Variants in MAP4K5 observed in about 807,000 individuals in gnomAD.
MAP4K5 encodes mitogen-activated protein kinase kinase kinase kinase 5, also known as MAPK/ERK kinase kinase kinase 5.
MAP4K5 carries 82 observed loss-of-function variants against 135.6 expected under a neutral mutation model. The ratio of observed to expected loss-of-function variants is 0.60; its 90% CI spans 0.51 to 0.73. The LOEUF (loss-of-function observed/expected upper bound fraction) is 0.73, where lower values mean the gene tolerates loss of function less well. Among genes scored for constraint, MAP4K5 ranks in the 30% least tolerant of loss-of-function variants. The pLI, the probability that MAP4K5 is intolerant of heterozygous loss-of-function variation, is 0.00. For missense variants in MAP4K5, 907 were observed against 1,010.9 expected, an observed-to-expected ratio of 0.90 and a Z score of 1.39; for synonymous variants, 347 against 335.0, an observed-to-expected ratio of 1.04 and a Z score of -0.39.
chr14:50,422,360 G>A (rs1344115495), intron 32 of MAP4K5, among the ~76,000 whole-genome samples: 1 of 151,916 alleles, frequency 6.6e-6, no homozygotes, highest in Admixed American at 6.6e-5. Flanking sequence ...AAATTTTTAT[G>A]GAGTTATAAC....
At chr14:50,484,795 G>T (rs996632124) in intron 5 of MAP4K5, among the ~76,000 whole-genome samples, 43 of 152,086 alleles carry the variant, frequency 2.8e-4, no homozygotes, top group African/African-American at 1.0e-3. Context: ...TATATCTACT[G>T]TGGCTGCATT....
At chr14:50,454,064 T>C (rs574563931) in intron 14 of MAP4K5, among the ~76,000 whole-genome samples, 38 of 152,280 alleles carry the variant, frequency 2.5e-4, no homozygotes, top group Middle Eastern at 6.8e-3. Flanking sequence ...TAAATTGTGG[T>C]ATGGTCATAC....
chr14:50,428,791 A>G, intron 29 of MAP4K5, 37 bp from the exon 30 acceptor site: 1 of 929,740 alleles, frequency 1.1e-6, no homozygotes, highest in Non-Finnish European at 1.6e-6. Flanking sequence ...TGGACATGCA[A>G]ATCTGCTAAA....
chr14:50,471,888 TAGAG>T (rs2036972277), intron 9 of MAP4K5: 1 of 152,190 alleles, frequency 6.6e-6, no homozygotes, highest in African/African-American at 2.4e-5. Context: ...AAAGAACACA[TAGAG>T]AGAAATCCTG....
intron 2 of MAP4K5, among the ~76,000 whole-genome samples, chr14:50,540,356 C>G (rs190336082): frequency 4.6e-5 from 7 of 152,268 alleles, no homozygotes; most frequent in African/African-American, 1.7e-4. Flanking sequence ...ACTGAAATCT[C>G]TGTAACAGAG....
chr14:50,471,121 GTATTAA>G (rs1165632147), intron 9 of MAP4K5, among the ~76,000 whole-genome samples: 1 of 151,892 alleles, frequency 6.6e-6, no homozygotes, highest in African/African-American at 2.4e-5. Flanking sequence ...CATCACCTTG[GTATTAA>G]TATTAAGCCC....
At chr14:50,509,879 C>A (rs921617990) in intron 2 of MAP4K5, among the ~76,000 whole-genome samples, 1 of 152,022 alleles carries the variant, frequency 6.6e-6, no homozygotes, top group Non-Finnish European at 1.5e-5. Context: ...TTTGAACATA[C>A]AGTATAAGTT....
intron 3 of MAP4K5, among the ~76,000 whole-genome samples, chr14:50,497,159 GAC>G (rs2037612048): frequency 6.6e-6 from 1 of 152,148 alleles, no homozygotes; most frequent in South Asian, 2.1e-4. Flanking sequence ...AAAATACAGT[GAC>G]ACAATGGTGG....
chr14:50,472,959 A>T (rs959058264), intron 9 of MAP4K5, among the ~76,000 whole-genome samples: 5 of 152,208 alleles, frequency 3.3e-5, no homozygotes, highest in African/African-American at 1.2e-4. Context: ...TCAGTGGCTC[A>T]TTCTTAATGA....
intron 2 of MAP4K5, among the ~76,000 whole-genome samples, chr14:50,521,137 T>C (rs1015330083): frequency 4.6e-5 from 7 of 152,140 alleles, no homozygotes; most frequent in South Asian, 2.1e-4. Context: ...ATTTTGATAG[T>C]AAAGGTAAAT....
chr14:50,540,439 G>T (rs541592177), intron 2 of MAP4K5, among the ~76,000 whole-genome samples: 6 of 152,204 alleles, frequency 3.9e-5, no homozygotes, highest in African/African-American at 1.2e-4. Flanking sequence ...TAAGGGTGAG[G>T]GCGGATGTCT....
At chr14:50,560,410 G>C in intron 1 of MAP4K5, 1 of 1,397,258 alleles carries the variant, frequency 7.2e-7, no homozygotes, top group East Asian at 2.5e-5. Context: ...TGCGTCCACG[G>C]CTGGGAGACG....
intron 1 of MAP4K5, among the ~76,000 whole-genome samples, chr14:50,553,277 A>C (rs2140162969): frequency 6.6e-6 from 1 of 152,106 alleles, no homozygotes; most frequent in East Asian, 1.9e-4. Flanking sequence ...TTTCAAAAAA[A>C]AAAAAAAAGT....
chr14:50,536,343 G>A (rs1184894997), upstream of MAP4K5, among the ~76,000 whole-genome samples: 8 of 151,406 alleles, frequency 5.3e-5, no homozygotes, highest in African/African-American at 1.7e-4. Context: ...GGCTGAGGCA[G>A]GAGAATCGCT....
At position 50,448,848 on chromosome 14, in the gene MAP4K5, C is replaced by T. The variant is rs140551199; in HGVS notation, c.1016-16G>A. 1 of 1,355,892 alleles carries T rather than the reference C, an allele frequency of 7.4e-7. No individual in the cohort carries two copies. The highest frequency in any genetic ancestry group is 1.5e-5 in the African/African-American group (1 of 66,694). The allele number at this position is 1,355,892 out of a possible 1,614,324, so 84.0% of individuals were successfully genotyped here. A position where few individuals can be genotyped will look rare whatever the true frequency, so the allele number is the denominator to read the frequency against. ...AATTTGTCAACTGCAAAATATATAA[C>T]AGGTATGTACAAACTCAGCATCTCA... On this transcript the variant is annotated splice_polypyrimidine_tract_variant and intron_variant, in intron 14 of 32. Transcript: ENST00000682126.
intron 21 of MAP4K5, among the ~76,000 whole-genome samples, chr14:50,441,100 T>A (rs1341319711): frequency 6.6e-6 from 1 of 152,098 alleles, no homozygotes; most frequent in Non-Finnish European, 1.5e-5. Context: ...AATTAATAAG[T>A]TTAAACTGAT....
chr14:50,536,620 T>C (rs1242930528), upstream of MAP4K5, among the ~76,000 whole-genome samples: 1 of 152,136 alleles, frequency 6.6e-6, no homozygotes, highest in Non-Finnish European at 1.5e-5. Context: ...TGAATGGCTT[T>C]GACAAAAATG....
intron 5 of MAP4K5, among the ~76,000 whole-genome samples, chr14:50,484,619 C>CT (rs2037323455): frequency 6.6e-6 from 1 of 151,858 alleles, no homozygotes; most frequent in East Asian, 1.9e-4. Flanking sequence ...GGATATATAC[C>CT]CAGGTCAATA....
intron 9 of MAP4K5, 77 bp from the exon 10 acceptor site, chr14:50,468,859 A>G (rs1404578679): frequency 7.2e-7 from 1 of 1,386,808 alleles, no homozygotes; most frequent in African/African-American, 1.4e-5. Flanking sequence ...TATAATCACC[A>G]GACTTGTTGG....
Sources: gnomAD v4.1 joint callset for allele counts (sites outside exome capture counted in the v4.1 genomes callset) on GRCh38, gnomAD v4.1.1 for gene constraint, MANE v1.5 for transcripts, NCBI Gene and HGNC (gene_info 2026-07-23, HGNC 2026-07-21) for gene names.